Variants in KIRREL3 observed in about 807,000 individuals in gnomAD.
KIRREL3 encodes the protein kin of IRRE-like protein 3.
Under a neutral mutation model 89.7 loss-of-function variants are expected in KIRREL3, and 36 were observed. That is an observed-to-expected ratio of 0.40 (90% CI 0.31 to 0.53). KIRREL3 has a LOEUF of 0.53. Ranked by LOEUF, KIRREL3 falls within the 20% of genes least tolerant of loss-of-function variation. The probability of loss-of-function intolerance (pLI) is 0.49; values close to 1 mark genes in which losing one functional copy is unlikely to be tolerated. For synonymous variants in KIRREL3, 445 were observed against 441.4 expected, an observed-to-expected ratio of 1.01 and a Z score of -0.10; for missense variants, 864 against 1,056.6, an observed-to-expected ratio of 0.82 and a Z score of 2.53.
In KIRREL3 at chr11:126,978,000, G is replaced by T. The variant is rs1949627633; in HGVS notation, c.55+22455C>A. Among the ~76,000 whole-genome samples, 1 of 152,112 alleles carries T rather than the reference G, an allele frequency of 6.6e-6. No individual in the cohort carries two copies. The highest frequency in any genetic ancestry group is 2.4e-5 in the African/African-American group (1 of 41,414). On this transcript the variant is annotated intron_variant, in intron 1 of 16. Coordinates refer to ENST00000525144, the MANE Select transcript of KIRREL3 (RefSeq NM_032531.4). This position sits in a 1 kb window ranked among gnomAD's most constrained non-coding sequence, Gnocchi z 4.7. ...GACATGTCCCACTCTCCATTGAGTGGATTTCTGTAGTACGACTCTGCTGCC... is the reference window on the plus strand; with the variant it reads ...GACATGTCCCACTCTCCATTGAGTGTATTTCTGTAGTACGACTCTGCTGCC...
rs78209319 is a variant in KIRREL3, at chr11:126,564,656, G to A, written c.56-1744C>T. Among the ~76,000 whole-genome samples the A allele has an allele frequency of 6.6e-6, 1 of 152,092 alleles. No homozygotes were observed. The highest frequency in any genetic ancestry group is 1.5e-5 in the Non-Finnish European group (1 of 68,014). The stretch of plus-strand genomic sequence containing the variant: ...TTAAGTTCCCTCATTCAAGGCCTTG[G>A]CCCTTTCTTCAGGGGCTCCTGCTCT... On this transcript the variant is annotated intron_variant, in intron 1 of 16. Transcript: ENST00000525144. This position sits in a 1 kb window ranked among gnomAD's most constrained non-coding sequence, Gnocchi z 7.4.
chr11:126,439,698 T>A (rs1462569954), intron 11 of KIRREL3, among the ~76,000 whole-genome samples: 1 of 151,274 alleles, frequency 6.6e-6, no homozygotes, highest in Non-Finnish European at 1.5e-5. Flanking sequence ...ATGCCTGTAA[T>A]CCCAGCTACT....
Position 126,608,140 on chromosome 11 carries a change from T to G in KIRREL3, c.56-45228A>C, listed in dbSNP as rs138086396. On this transcript the variant is annotated intron_variant, in intron 1 of 16. Coordinates refer to ENST00000525144, the MANE Select transcript of KIRREL3 (RefSeq NM_032531.4). This position sits in a 1 kb window ranked among gnomAD's most constrained non-coding sequence, Gnocchi z 4.9. ...GGGCCCAGGTGGAGTCTGAGCTGGGTGCCAATTCCAGGAATGCAGCTGGAG... is the reference window on the plus strand; with the variant it reads ...GGGCCCAGGTGGAGTCTGAGCTGGGGGCCAATTCCAGGAATGCAGCTGGAG... Among the ~76,000 whole-genome samples the G allele has an allele frequency of 6.6e-6, 1 of 151,632 alleles. No homozygotes were observed. The highest frequency in any genetic ancestry group is 2.4e-5 in the African/African-American group (1 of 41,242).
chr11:126,596,139 C>T (rs1398754448), intron 1 of KIRREL3, among the ~76,000 whole-genome samples: 1 of 152,204 alleles, frequency 6.6e-6, no homozygotes, highest in Non-Finnish European at 1.5e-5. Context: ...CTGCCTTCTC[C>T]ATAGGCTGTT....
rs1949571986 is a variant in KIRREL3 at position 126,976,193 on chromosome 11, A to G, written c.55+24262T>C. 6.6e-6 allele frequency among the ~76,000 whole-genome samples: 1 copy of G among 152,128 alleles called. No homozygotes were observed. The highest frequency in any genetic ancestry group is 6.6e-5 in the Admixed American group (1 of 15,266). On this transcript the variant is annotated intron_variant, in intron 1 of 16. Transcript: ENST00000525144. This position sits in a 1 kb window ranked among gnomAD's most constrained non-coding sequence, Gnocchi z 4.2. ...GATTTCAATAAGATAACACTCCTCC[A>G]ATTAAGACCCTGCAATATACCTGAC...
Position 126,424,343 on chromosome 11 carries a change from C to T in KIRREL3, c.*237G>A, listed in dbSNP as rs370597390. On this transcript the variant is annotated 3_prime_UTR_variant, in exon 17 of 17. Transcript: ENST00000525144. Reference sequence around the variant, plus strand: ...CACGGGTGTCCAGCACTAAGCACAGCGCACTCAGCCGCAGCCTCTGTCTGT... The same window carrying T: ...CACGGGTGTCCAGCACTAAGCACAGTGCACTCAGCCGCAGCCTCTGTCTGT... The T allele has an allele frequency of 2.3e-5, 13 of 554,520 alleles. No homozygotes were observed. Among genetic ancestry groups the T allele is most frequent in the Admixed American group, 1.2e-4 (4 of 32,460 alleles). The allele number at this position is 554,520 out of a possible 1,614,324, so 34.3% of individuals were successfully genotyped here. A position where few individuals can be genotyped will look rare whatever the true frequency, so the allele number is the denominator to read the frequency against.
chr11:126,938,157 T>C (rs902073652), intron 1 of KIRREL3, among the ~76,000 whole-genome samples: 1 of 152,256 alleles, frequency 6.6e-6, no homozygotes, highest in African/African-American at 2.4e-5. Flanking sequence ...AAAGTAGGAA[T>C]TATTAGTCAC....
Position 126,995,765 on chromosome 11 carries a change from GGGT to G in KIRREL3, c.55+4687_55+4689del, listed in dbSNP as rs765101090. ...CTCTGGATTATTCATGTGCTTTTTTGGGTCTGCAATATAATGCTGCCTAAGTCA... is the reference window on the plus strand; with the variant it reads ...CTCTGGATTATTCATGTGCTTTTTTGCTGCAATATAATGCTGCCTAAGTCA... On this transcript the variant is annotated intron_variant, in intron 1 of 16. Coordinates refer to ENST00000525144, the MANE Select transcript of KIRREL3 (RefSeq NM_032531.4). This position sits in a 1 kb window ranked among gnomAD's most constrained non-coding sequence, Gnocchi z 6.5. 3.1e-4 allele frequency among the ~76,000 whole-genome samples: 47 copies of G among 151,994 alleles called. No homozygotes were observed. The highest frequency in any genetic ancestry group is 5.9e-4 in the Non-Finnish European group (40 of 68,000).
rs1405565044 is a variant in KIRREL3, at chr11:126,892,789, G to A, written c.55+107666C>T. On this transcript the variant is annotated intron_variant, in intron 1 of 16. Coordinates refer to ENST00000525144, the MANE Select transcript of KIRREL3 (RefSeq NM_032531.4). The surrounding 1 kb of genome is among the most constrained non-coding windows in gnomAD (Gnocchi z 5.4). ...GATAGGAGAAGGGTCTGGCTTCATTGACATTTCCACGGTAGTGCATACAGC... is the reference window on the plus strand; with the variant it reads ...GATAGGAGAAGGGTCTGGCTTCATTAACATTTCCACGGTAGTGCATACAGC... 6.6e-6 allele frequency among the ~76,000 whole-genome samples: 1 copy of A among 152,200 alleles called. No homozygotes were observed. The highest frequency in any genetic ancestry group is 1.5e-5 in the Non-Finnish European group (1 of 68,038).
rs192958143 is a variant in KIRREL3, at chr11:126,983,380, C to T, written c.55+17075G>A. 2.4e-4 allele frequency among the ~76,000 whole-genome samples: 36 copies of T among 152,214 alleles called. No homozygotes were observed. The East Asian group carries it at 3.5e-3, about 15-fold the overall frequency. ...ATCTAACGTCTGCCTTTGGTTCTTG[C>T]GGTAGACAGAATAATGGCCGCCAAA... On this transcript the variant is annotated intron_variant, in intron 1 of 16. Coordinates refer to ENST00000525144, the MANE Select transcript of KIRREL3 (RefSeq NM_032531.4). The surrounding 1 kb of genome is among the most constrained non-coding windows in gnomAD (Gnocchi z 4.9).
chr11:126,549,268 C>G (rs1462344879), intron 2 of KIRREL3: 4 of 152,150 alleles, frequency 2.6e-5, no homozygotes, highest in African/African-American at 7.2e-5. Context: ...TCCTCCCATA[C>G]CAGTAACAAC....
In KIRREL3 at chr11:126,863,485, G is replaced by T. The variant is rs112523357; in HGVS notation, c.55+136970C>A. Among the ~76,000 whole-genome samples the T allele has an allele frequency of 3.0e-5, 4 of 131,508 alleles. No individual in the cohort carries two copies. In the East Asian group the frequency reaches 9.3e-4, roughly 31 times the overall value. The allele number at this position is 131,508 out of a possible 152,430, so 86.3% of individuals were successfully genotyped here. On this transcript the variant is annotated intron_variant, in intron 1 of 16. Coordinates refer to ENST00000525144, the MANE Select transcript of KIRREL3 (RefSeq NM_032531.4). ...TGCGTGTGTGTGTGAGTGCGTGTGT[G>T]AGTGCGTGTGTGAGTGTGAGTGCGT...
chr11:126,712,850 C>T (rs1022153215), intron 1 of KIRREL3, among the ~76,000 whole-genome samples: 1 of 152,226 alleles, frequency 6.6e-6, no homozygotes, highest in Non-Finnish European at 1.5e-5. Context: ...CCGCACCAGT[C>T]ACTGAAAAGA....
At position 126,689,104 on chromosome 11, in the gene KIRREL3, A is replaced by T. The variant is rs1946782501; in HGVS notation, c.56-126192T>A. Among the ~76,000 whole-genome samples the T allele has an allele frequency of 1.3e-5, 2 of 150,118 alleles. No homozygotes were observed. Among genetic ancestry groups the T allele is most frequent in the African/African-American group, 4.9e-5 (2 of 40,538 alleles). ...AGAGTATTGTAATAACGTATTGAGC[A>T]TGAGCTGCCTGATCTTTGCCAGGTG... On this transcript the variant is annotated intron_variant, in intron 1 of 16. Transcript: ENST00000525144. The surrounding 1 kb of genome is among the most constrained non-coding windows in gnomAD (Gnocchi z 5.2).
intron 4 of KIRREL3, among the ~76,000 whole-genome samples, chr11:126,478,808 T>G (rs79439092): frequency 6.6e-6 from 1 of 152,028 alleles, no homozygotes; most frequent in African/African-American, 2.4e-5. Flanking sequence ...TGTGTGTGCA[T>G]TGGGTACAGT....
At chr11:126,572,309 T>A (rs1384636903) in intron 1 of KIRREL3, among the ~76,000 whole-genome samples, 2 of 152,218 alleles carry the variant, frequency 1.3e-5, no homozygotes, top group Non-Finnish European at 1.5e-5. Flanking sequence ...AATAACAGGT[T>A]ATACATACAA....
In KIRREL3 at chr11:126,904,029, A is replaced by C. The variant is rs183125949; in HGVS notation, c.55+96426T>G. 6.6e-6 allele frequency among the ~76,000 whole-genome samples: 1 copy of C among 152,246 alleles called. No individual in the cohort carries two copies. Among genetic ancestry groups the C allele is most frequent in the African/African-American group, 2.4e-5 (1 of 41,552 alleles). ...ACATCTCAACTCTGGCCTGGAGGTA[A>C]TTCTCAAGCAGGGATTTCTGCACTG... On this transcript the variant is annotated intron_variant, in intron 1 of 16. Transcript: ENST00000525144. The surrounding 1 kb of genome is among the most constrained non-coding windows in gnomAD (Gnocchi z 4.4).
intron 1 of KIRREL3, among the ~76,000 whole-genome samples, chr11:126,700,796 A>G (rs146090800): frequency 0.01 from 1,595 of 152,244 alleles, 15 homozygotes; most frequent in South Asian, 0.034. Flanking sequence ...TGACTTTGTG[A>G]TGGGCAAATA....
rs1949303966 is a variant in KIRREL3, at chr11:126,750,618, A to G, written c.56-187706T>C. 1.3e-5 allele frequency among the ~76,000 whole-genome samples: 2 copies of G among 152,254 alleles called. No individual in the cohort carries two copies. ...CAGAACTGTTTAGTGGGAAAGAATC[A>G]ACCTGTGTTGCCAATCATTCTGCTG... On this transcript the variant is annotated intron_variant, in intron 1 of 16. Coordinates refer to ENST00000525144, the MANE Select transcript of KIRREL3 (RefSeq NM_032531.4). The surrounding 1 kb of genome is among the most constrained non-coding windows in gnomAD (Gnocchi z 4.2).
Sources: gnomAD v4.1 joint callset for allele counts (sites outside exome capture counted in the v4.1 genomes callset) on GRCh38, gnomAD v4.1.1 for gene constraint, Gnocchi (gnomAD v3.1) non-coding constraint, MANE v1.5 for transcripts, NCBI Gene and HGNC (gene_info 2026-07-23, HGNC 2026-07-21) for gene names.